IGF2BP2: variants seen among roughly 807,000 people sequenced by gnomAD.
The protein encoded by IGF2BP2 is insulin like growth factor 2 mRNA binding protein 2.
In IGF2BP2, 17 loss-of-function variants were observed where a neutral mutation model predicts 75.8. That is an observed-to-expected ratio of 0.22 (90% CI 0.15 to 0.34). The LOEUF is 0.34. Ranked by LOEUF, IGF2BP2 falls within the 10% of genes least tolerant of loss-of-function variation. IGF2BP2 has a pLI of 1.00. For synonymous variants in IGF2BP2, 288 were observed against 295.6 expected (o/e 0.97, Z 0.26); for missense variants, 516 against 772.4 (o/e 0.67, Z 3.93).
chr3:185,822,373 G>A (rs1044527771), intron 2 of IGF2BP2, among the ~76,000 whole-genome samples: 1 of 152,010 alleles, frequency 6.6e-6, no homozygotes, highest in Non-Finnish European at 1.5e-5. Flanking sequence ...AGTAATAAAG[G>A]GCCCAAATTT....
In IGF2BP2 at chr3:185,716,744, T is replaced by C. The variant is rs1170822058; in HGVS notation, c.240-18397A>G. The C allele has an allele frequency of 1.3e-5, 7 of 519,872 alleles. No individual in the cohort carries two copies. In the African/African-American group the frequency reaches 1.3e-4, roughly 10 times the overall value. 32.2% of individuals were successfully genotyped at this position (519,872 alleles called of 1,614,324 possible). ...CAACCCTGTCAGCGCTGGCTGGTCATCAGAATGGAAGTGGGAGGACATCCT... is the reference window on the plus strand; with the variant it reads ...CAACCCTGTCAGCGCTGGCTGGTCACCAGAATGGAAGTGGGAGGACATCCT... On this transcript the variant is annotated intron_variant, in intron 2 of 15. Coordinates refer to ENST00000382199, the MANE Select transcript of IGF2BP2 (RefSeq NM_006548.6).
chr3:185,667,783 G>A (rs1215306142), intron 10 of IGF2BP2, among the ~76,000 whole-genome samples: 1 of 152,162 alleles, frequency 6.6e-6, no homozygotes, highest in Non-Finnish European at 1.5e-5. Context: ...TGGCTTTATT[G>A]AACTTTGCAG....
intron 2 of IGF2BP2, among the ~76,000 whole-genome samples, chr3:185,762,153 C>T (rs1001413005): frequency 9.2e-5 from 14 of 151,850 alleles, no homozygotes; most frequent in African/African-American, 3.1e-4. Context: ...TTTGGGAGGC[C>T]GATATGGGCA....
At chr3:185,658,020 C>G (rs1689352476) in intron 11 of IGF2BP2, among the ~76,000 whole-genome samples, 1 of 152,160 alleles carries the variant, frequency 6.6e-6, no homozygotes, top group Admixed American at 6.5e-5. Flanking sequence ...GTTCAAAGAT[C>G]TTTGGAAACT....
intron 2 of IGF2BP2, among the ~76,000 whole-genome samples, chr3:185,766,003 T>C (rs947878949): frequency 3.8e-4 from 58 of 152,198 alleles, no homozygotes; most frequent in African/African-American, 1.4e-3. Flanking sequence ...ATAAAAGAAG[T>C]ATCTGACTGC....
chr3:185,824,007 G>C (rs911583926), intron 1 of IGF2BP2, among the ~76,000 whole-genome samples: 4 of 152,190 alleles, frequency 2.6e-5, no homozygotes, highest in African/African-American at 9.7e-5. Flanking sequence ...TTCTGGCCGA[G>C]CGGGAGGCGG....
At chr3:185,686,724 T>C (rs1356133758) in intron 7 of IGF2BP2, among the ~76,000 whole-genome samples, 1 of 152,162 alleles carries the variant, frequency 6.6e-6, no homozygotes, top group Admixed American at 6.5e-5. Flanking sequence ...ATGTGGCTAT[T>C]GAACAGTGCA....
chr3:185,673,953 A>G (rs1414335649), intron 9 of IGF2BP2, among the ~76,000 whole-genome samples: 1 of 152,218 alleles, frequency 6.6e-6, no homozygotes, highest in Non-Finnish European at 1.5e-5. Context: ...AGAAAATGAG[A>G]TTGTCAGATG....
intron 2 of IGF2BP2, among the ~76,000 whole-genome samples, chr3:185,815,029 A>G (rs1740421450): frequency 6.6e-6 from 1 of 152,108 alleles, no homozygotes; most frequent in South Asian, 2.1e-4. Flanking sequence ...AAAAAACCTC[A>G]AGTTTTTTTT....
chr3:185,823,724 G>A (rs1177582426), intron 1 of IGF2BP2, among the ~76,000 whole-genome samples: 3 of 151,790 alleles, frequency 2.0e-5, no homozygotes, highest in African/African-American at 7.3e-5. Flanking sequence ...TGGCCTCGCC[G>A]CCGCCCCGCC....
chr3:185,724,179 G>A (rs1012429217), intron 2 of IGF2BP2, among the ~76,000 whole-genome samples: 7 of 152,278 alleles, frequency 4.6e-5, no homozygotes, highest in East Asian at 1.9e-4. Flanking sequence ...AAAATTGCCC[G>A]GCTAAGATCT....
At chr3:185,670,730 T>C (rs1431655667) in intron 10 of IGF2BP2, among the ~76,000 whole-genome samples, 3 of 151,636 alleles carry the variant, frequency 2.0e-5, no homozygotes, top group Non-Finnish European at 4.4e-5. Flanking sequence ...CCACCACACC[T>C]GGCTAATTCT....
rs1056710940 is a variant in IGF2BP2, at chr3:185,765,632, G to A, written c.239+57521C>T. Among the ~76,000 whole-genome samples the A allele has an allele frequency of 4.6e-5, 7 of 152,184 alleles. No homozygotes were observed. In the East Asian group the frequency reaches 9.6e-4, roughly 21 times the overall value. Reference sequence around the variant, plus strand: ...AAGGTCCATCTATTAATACATGAAAGGCACGCAGAAGTGCTCGAGGACCAA... The same window carrying A: ...AAGGTCCATCTATTAATACATGAAAAGCACGCAGAAGTGCTCGAGGACCAA... On this transcript the variant is annotated intron_variant, in intron 2 of 15. Transcript: ENST00000382199.
Position 185,757,458 on chromosome 3 carries a change from ACTT to A in IGF2BP2, c.240-59114_240-59112del, listed in dbSNP as rs1418213133. On this transcript the variant is annotated intron_variant, in intron 2 of 15. Coordinates refer to ENST00000382199, the MANE Select transcript of IGF2BP2 (RefSeq NM_006548.6). The stretch of plus-strand genomic sequence containing the variant: ...AGCCCTTGGAGAGACTATATCTCAT[ACTT>A]TTTTTTTTTTTTTTTTTTTTTGAGA... Among the ~76,000 whole-genome samples the A allele has an allele frequency of 8.5e-5, 11 of 130,094 alleles. No homozygotes were observed. In the Admixed American group the frequency reaches 8.8e-4, roughly 10 times the overall value. 85.3% of individuals were successfully genotyped at this position (130,094 alleles called of 152,430 possible). A position where few individuals can be genotyped will look rare whatever the true frequency, so the allele number is the denominator to read the frequency against.
intron 2 of IGF2BP2, among the ~76,000 whole-genome samples, chr3:185,704,568 G>A (rs1342840530): frequency 6.6e-6 from 1 of 152,142 alleles, no homozygotes; most frequent in Non-Finnish European, 1.5e-5. Context: ...TCCCACCTCA[G>A]CTTCCTGAGC....
At chr3:185,774,973 T>C (rs1734357876) in intron 2 of IGF2BP2, among the ~76,000 whole-genome samples, 1 of 151,706 alleles carries the variant, frequency 6.6e-6, no homozygotes, top group Non-Finnish European at 1.5e-5. Context: ...TGAGCCCAGA[T>C]TGTGCCACTG....
intron 2 of IGF2BP2, among the ~76,000 whole-genome samples, chr3:185,822,875 T>C (rs1025477635): frequency 2.6e-5 from 4 of 151,994 alleles, no homozygotes; most frequent in African/African-American, 9.7e-5. Flanking sequence ...AGGCAATTTT[T>C]GATAAACAAG....
chr3:185,699,471 TAC>T (rs1016208624), intron 2 of IGF2BP2, among the ~76,000 whole-genome samples: 2 of 152,296 alleles, frequency 1.3e-5, no homozygotes, highest in African/African-American at 4.8e-5. Context: ...TCTGAATAGG[TAC>T]TACAGTCCTA....
chr3:185,689,117 C>T (rs1721553682), intron 6 of IGF2BP2: 1 of 532,390 alleles, frequency 1.9e-6, no homozygotes, highest in Non-Finnish European at 3.3e-6. Flanking sequence ...CAGGAACAGT[C>T]CTGGCTGTGA....
Sources: gnomAD v4.1 joint callset for allele counts (sites outside exome capture counted in the v4.1 genomes callset) on GRCh38, gnomAD v4.1.1 for gene constraint, MANE v1.5 for transcripts, NCBI Gene and HGNC (gene_info 2026-07-23, HGNC 2026-07-21) for gene names.